Variants in TTC29 observed in about 807,000 individuals in gnomAD.
The protein encoded by TTC29 is tetratricopeptide repeat domain 29.
TTC29 carries 49 observed loss-of-function variants against 58.1 expected under a neutral mutation model. The observed-to-expected ratio is 0.84, with a 90% CI of 0.67 to 1.07. The LOEUF is 1.07. Among genes scored for constraint, TTC29 ranks in the 50% least tolerant of loss-of-function variants. The pLI is 0.00. For synonymous variants in TTC29, 209 were observed against 196.8 expected, an observed-to-expected ratio of 1.06 and a Z score of -0.52; for missense variants, 582 against 555.6, an observed-to-expected ratio of 1.05 and a Z score of -0.48.
intron 8 of TTC29, among the ~76,000 whole-genome samples, chr4:146,841,860 A>G (rs1030315716): frequency 2.6e-5 from 4 of 152,098 alleles, no homozygotes; most frequent in Admixed American, 6.6e-5. Flanking sequence ...CAAAATGGAA[A>G]TGAATGAAGC....
chr4:146,731,596 G>C (rs1422580190), intron 11 of TTC29, among the ~76,000 whole-genome samples: 1 of 152,164 alleles, frequency 6.6e-6, no homozygotes, highest in African/African-American at 2.4e-5. Flanking sequence ...AAAAAAAGTA[G>C]TGTTTCTATG....
At chr4:146,923,304 T>C (rs985028776) in intron 4 of TTC29, among the ~76,000 whole-genome samples, 4 of 151,852 alleles carry the variant, frequency 2.6e-5, no homozygotes, top group Admixed American at 6.6e-5. Flanking sequence ...AATATCATTA[T>C]TATTTAGATA....
At chr4:146,804,080 G>C (rs1253702032) in intron 10 of TTC29, among the ~76,000 whole-genome samples, 1 of 152,154 alleles carries the variant, frequency 6.6e-6, no homozygotes, top group African/African-American at 2.4e-5. Context: ...TAGACAGTGG[G>C]TGCAGCCCAT....
At chr4:146,799,190 T>C (rs1271668327) in intron 11 of TTC29, among the ~76,000 whole-genome samples, 1 of 152,176 alleles carries the variant, frequency 6.6e-6, no homozygotes, top group Non-Finnish European at 1.5e-5. Flanking sequence ...CTTCTTTTTC[T>C]TTGTGTTGGT....
chr4:146,830,374 T>C (rs975420981), intron 9 of TTC29, among the ~76,000 whole-genome samples: 5 of 152,098 alleles, frequency 3.3e-5, no homozygotes, highest in African/African-American at 1.2e-4. Flanking sequence ...TGAGGGATTG[T>C]GGTGTGTTTT....
chr4:146,803,605 A>G lies in TTC29; in HGVS notation c.1182T>C (p.Asp394=). 1.9e-6 allele frequency: 3 copies of G among 1,609,398 alleles called. No homozygotes were observed. Among genetic ancestry groups the G allele is most frequent in the Non-Finnish European group, 2.5e-6 (3 of 1,177,600 alleles). The change falls in exon 11 of 13, where the codon GAT becomes GAC. Residue 394 remains aspartate (D), a synonymous_variant. Transcript: ENST00000325106. ...TVELMSMPLM[D]ETKVHYGIAK... ...CTATTCCATAGTGAACTTTTGTCTC[A>G]TCCATCAGAGGCATGCTCATTAGCT... is the stretch of plus-strand genomic sequence containing the variant.
intron 6 of TTC29, among the ~76,000 whole-genome samples, chr4:146,889,701 A>T (rs2150246176): frequency 6.6e-6 from 1 of 152,298 alleles, no homozygotes; most frequent in East Asian, 1.9e-4. Context: ...TGAAATTTTG[A>T]TCAATTTTGA....
chr4:146,902,813 C>G (rs1451276876), intron 6 of TTC29, among the ~76,000 whole-genome samples: 1 of 152,170 alleles, frequency 6.6e-6, no homozygotes, highest in Non-Finnish European at 1.5e-5. Context: ...CTATGCAGTC[C>G]TAGTCACAAA....
chr4:146,790,759 G>C (rs1417295319), intron 11 of TTC29, among the ~76,000 whole-genome samples: 1 of 152,136 alleles, frequency 6.6e-6, no homozygotes. Context: ...TCAGAAGCTG[G>C]GACTTGCTAA....
At chr4:146,739,805 G>T (rs6858321) in intron 11 of TTC29, among the ~76,000 whole-genome samples, 77 of 152,252 alleles carry the variant, frequency 5.1e-4, no homozygotes, top group Non-Finnish European at 9.6e-4. Flanking sequence ...GGCGGTAATA[G>T]GTAGTTGTGG....
intron 6 of TTC29, among the ~76,000 whole-genome samples, chr4:146,877,616 C>A (rs1021519662): frequency 3.3e-5 from 5 of 152,242 alleles, no homozygotes; most frequent in African/African-American, 9.6e-5. Flanking sequence ...CCTCTGTTAA[C>A]TATATTTCTG....
intron 11 of TTC29, among the ~76,000 whole-genome samples, chr4:146,713,270 G>A (rs1008513229): frequency 1.0e-4 from 13 of 128,250 alleles, no homozygotes; most frequent in Non-Finnish European, 2.0e-4. Context: ...ATATAATTGG[G>A]TGTTTCTTTA....
intron 7 of TTC29, among the ~76,000 whole-genome samples, chr4:146,871,282 AC>A: frequency 6.6e-6 from 1 of 152,000 alleles, no homozygotes; most frequent in Non-Finnish European, 1.5e-5. Flanking sequence ...GCAAAATCCA[AC>A]CCCCTTTCAT....
chr4:146,938,563 T>C (rs527264246), intron 3 of TTC29, among the ~76,000 whole-genome samples: 1 of 152,242 alleles, frequency 6.6e-6, no homozygotes, highest in East Asian at 1.9e-4. Flanking sequence ...TATTCAAAAG[T>C]AAAACAAAAA....
intron 11 of TTC29, among the ~76,000 whole-genome samples, chr4:146,752,637 C>T (rs1280844918): frequency 6.6e-6 from 1 of 151,956 alleles, no homozygotes; most frequent in Non-Finnish European, 1.5e-5. Context: ...CATCACGCTA[C>T]CTGACTTCAA....
intron 4 of TTC29, among the ~76,000 whole-genome samples, chr4:146,924,462 T>C (rs1398483312): frequency 6.6e-6 from 1 of 151,924 alleles, no homozygotes; most frequent in African/African-American, 2.4e-5. Context: ...CTGTTATCTG[T>C]TTCTATGTAA....
At chr4:146,733,839 T>C (rs999956843) in intron 11 of TTC29, among the ~76,000 whole-genome samples, 1 of 152,204 alleles carries the variant, frequency 6.6e-6, no homozygotes, top group African/African-American at 2.4e-5. Context: ...TGAGAGATTA[T>C]GGGGGTCTCT....
At chr4:146,865,027 G>C (rs970049650) in intron 8 of TTC29, among the ~76,000 whole-genome samples, 4 of 152,020 alleles carry the variant, frequency 2.6e-5, no homozygotes, top group Non-Finnish European at 4.4e-5. Context: ...GAGTGTAAGG[G>C]ATTTGCCCAG....
At chr4:146,801,369 A>G (rs1750204895) in intron 11 of TTC29, among the ~76,000 whole-genome samples, 1 of 152,216 alleles carries the variant, frequency 6.6e-6, no homozygotes, top group African/African-American at 2.4e-5. Flanking sequence ...TGCCAGTAGT[A>G]TGAGAATTAA....
Sources: allele counts gnomAD v4.1 joint callset (sites outside exome capture counted in the v4.1 genomes callset), GRCh38; gene constraint gnomAD v4.1.1; transcripts MANE v1.5; gene names NCBI Gene and HGNC (gene_info 2026-07-23, HGNC 2026-07-21).